Variants in NRXN3 observed in about 807,000 individuals in gnomAD.
NRXN3 encodes the protein neurexin 3.
NRXN3 carries 32 observed loss-of-function variants against 137.6 expected under a neutral mutation model. The ratio of observed to expected loss-of-function variants is 0.23; its 90% confidence interval spans 0.18 to 0.31. The LOEUF (loss-of-function observed/expected upper bound fraction) is 0.31. Among genes scored for constraint, NRXN3 ranks in the 10% least tolerant of loss-of-function variants. NRXN3 has a pLI of 1.00. For missense variants in NRXN3, 1,574 were observed against 2,062.5 expected (o/e 0.76, Z 4.59); for synonymous variants, 798 against 784.5 (o/e 1.02, Z -0.29).
intron 10 of NRXN3, among the ~76,000 whole-genome samples, chr14:78,846,171 A>G (rs1032517890): frequency 6.6e-6 from 1 of 152,078 alleles, no homozygotes; most frequent in African/African-American, 2.4e-5. Context: ...CAAAATGGCA[A>G]AAAGAACCCA....
At chr14:79,406,211 C>A (rs1390167063) in intron 15 of NRXN3, among the ~76,000 whole-genome samples, 1 of 151,954 alleles carries the variant, frequency 6.6e-6, no homozygotes, top group African/African-American at 2.4e-5. Context: ...ATGTCAGCAA[C>A]ATACTCAAGA....
chr14:79,678,786 G>T (rs2098654286), intron 17 of NRXN3, among the ~76,000 whole-genome samples: 1 of 152,106 alleles, frequency 6.6e-6, no homozygotes, highest in Non-Finnish European at 1.5e-5. Flanking sequence ...GCATGAACTT[G>T]AGTAGGCAAA....
intron 19 of NRXN3, among the ~76,000 whole-genome samples, chr14:79,764,609 A>G: frequency 6.6e-6 from 1 of 151,986 alleles, no homozygotes; most frequent in Middle Eastern, 3.2e-3. Context: ...CTTTTCTTCT[A>G]GACTCTATTC....
chr14:79,550,238 G>A (rs2097361409), intron 16 of NRXN3, among the ~76,000 whole-genome samples: 1 of 151,990 alleles, frequency 6.6e-6, no homozygotes, highest in Non-Finnish European at 1.5e-5. Context: ...CAAAGTGCTG[G>A]GATTACAGGC....
intron 6 of NRXN3, among the ~76,000 whole-genome samples, chr14:78,683,176 A>G (rs2098092549): frequency 1.3e-5 from 2 of 152,204 alleles, no homozygotes; most frequent in South Asian, 4.1e-4. Flanking sequence ...AAAATTTTGG[A>G]TATATTAGGT....
intron 15 of NRXN3, among the ~76,000 whole-genome samples, chr14:79,304,429 A>G (rs985986050): frequency 1.3e-5 from 2 of 152,064 alleles, no homozygotes; most frequent in Non-Finnish European, 2.9e-5. Context: ...TAAAAAGGTA[A>G]TGGAAGCATG....
intron 16 of NRXN3, among the ~76,000 whole-genome samples, chr14:79,504,641 TTATATATATATATGTATATATA>T (rs1057304255): frequency 1.1e-4 from 11 of 97,876 alleles, no homozygotes; most frequent in Non-Finnish European, 2.4e-4. Flanking sequence ...ATGAAGTTTT[TTATATATATATATGTATATATA>T]TATATATATA....
chr14:78,949,811 T>G (rs8010420), intron 10 of NRXN3, among the ~76,000 whole-genome samples: 9 of 152,170 alleles, frequency 5.9e-5, no homozygotes, highest in African/African-American at 2.2e-4. Context: ...AAAATATTAA[T>G]TAATATTAAT....
At chr14:78,364,377 A>T (rs1204911347) in intron 4 of NRXN3, among the ~76,000 whole-genome samples, 1 of 152,166 alleles carries the variant, frequency 6.6e-6, no homozygotes, top group Non-Finnish European at 1.5e-5. Flanking sequence ...AGAGTAATGG[A>T]ACTTGCTGTC....
chr14:79,655,735 C>A (rs1379749109), intron 16 of NRXN3, among the ~76,000 whole-genome samples: 1 of 152,044 alleles, frequency 6.6e-6, no homozygotes, highest in Non-Finnish European at 1.5e-5. Context: ...GTGGCCTCGA[C>A]CCACTAGATT....
intron 15 of NRXN3, among the ~76,000 whole-genome samples, chr14:79,025,923 G>A (rs1475138399): frequency 6.6e-6 from 1 of 152,078 alleles, no homozygotes; most frequent in African/African-American, 2.4e-5. Flanking sequence ...TATGCTTTCA[G>A]CCTCCAGTTT....
At chr14:78,865,250 G>A (rs1007012209) in intron 10 of NRXN3, among the ~76,000 whole-genome samples, 7 of 152,136 alleles carry the variant, frequency 4.6e-5, no homozygotes, top group African/African-American at 1.7e-4. Flanking sequence ...ATTGGCCATG[G>A]TATTGTTGTG....
chr14:78,296,849 C>T (rs990673904), intron 3 of NRXN3, among the ~76,000 whole-genome samples: 4 of 151,938 alleles, frequency 2.6e-5, no homozygotes, highest in African/African-American at 9.7e-5. Flanking sequence ...TCCCCTATAT[C>T]CCTGAATTTT....
chr14:79,007,585 C>G (rs1277435742), intron 15 of NRXN3, among the ~76,000 whole-genome samples: 1 of 151,756 alleles, frequency 6.6e-6, no homozygotes, highest in Non-Finnish European at 1.5e-5. Flanking sequence ...GCAGGCAGAT[C>G]ACACGGTCAG....
chr14:78,644,991 A>T, intron 4 of NRXN3, 129 bp from the exon 5 acceptor site: 1 of 734,802 alleles, frequency 1.4e-6, no homozygotes, highest in Non-Finnish European at 2.1e-6. Flanking sequence ...GAAGAATTGA[A>T]GGGAGTGCTG....
intron 16 of NRXN3, among the ~76,000 whole-genome samples, chr14:79,518,161 T>G (rs2097017102): frequency 6.6e-6 from 1 of 152,072 alleles, no homozygotes; most frequent in South Asian, 2.1e-4. Context: ...CGCTTCAGCC[T>G]CCCAAAGTGT....
intron 6 of NRXN3, among the ~76,000 whole-genome samples, chr14:78,668,045 C>T (rs1258207685): frequency 1.3e-5 from 2 of 152,150 alleles, no homozygotes; most frequent in Non-Finnish European, 2.9e-5. Context: ...CTCGGTCTCC[C>T]AAAGTGTTGG....
intron 15 of NRXN3, among the ~76,000 whole-genome samples, chr14:79,143,766 A>G (rs74584531): frequency 0.023 from 3,467 of 152,270 alleles, 105 homozygotes; most frequent in African/African-American, 0.078. Context: ...TCAAAAAGTA[A>G]TATTTTTTCT....
intron 19 of NRXN3, among the ~76,000 whole-genome samples, chr14:79,728,185 TA>T (rs1568029757): frequency 1.3e-5 from 2 of 152,164 alleles, no homozygotes; most frequent in African/African-American, 4.8e-5. Flanking sequence ...CAAAAGTAAC[TA>T]CCTGGAACAG....
Sources: gnomAD v4.1 joint callset for allele counts (sites outside exome capture counted in the v4.1 genomes callset) on GRCh38, gnomAD v4.1.1 for gene constraint, MANE v1.5 for transcripts, NCBI Gene and HGNC (gene_info 2026-07-23, HGNC 2026-07-21) for gene names.